KMT2D: variants seen among roughly 807,000 people sequenced by gnomAD.
The protein encoded by KMT2D is lysine methyltransferase 2D.
A neutral mutation model predicts 512.7 loss-of-function variants in KMT2D; 55 were observed. The observed-to-expected ratio is 0.11, with a 90% CI of 0.09 to 0.13. KMT2D has a LOEUF of 0.13. KMT2D is among the 10% of genes least tolerant of loss of function. The probability of loss-of-function intolerance (pLI) is 1.00; values close to 1 mark genes in which losing one functional copy is unlikely to be tolerated. For missense variants in KMT2D, 6,061 were observed against 7,127.9 expected (o/e 0.85, Z 5.39); for synonymous variants, 2,995 against 2,904.0 (o/e 1.03, Z -1.01).
chr12:49,039,683 A>C lies in KMT2D; in HGVS notation c.8046+41T>G, dbSNP rs1943392848. 6.2e-7 allele frequency: 1 copy of C among 1,604,180 alleles called. No individual in the cohort carries two copies. On this transcript the variant is annotated intron_variant, in intron 32 of 54. Transcript: ENST00000301067. The surrounding 1 kb of genome is among the most constrained non-coding windows in gnomAD (Gnocchi z 5.0). ...CCAATCATAGGGCTGCCCCAGAGAC[A>C]GGAGCGATATAGGGGGCTTAGCTCC...
chr12:49,044,026 CG>C lies in KMT2D; in HGVS notation c.5189-29del. The C allele has an allele frequency of 6.2e-7, 1 of 1,612,760 alleles. No homozygotes were observed. The highest frequency in any genetic ancestry group is 1.1e-5 in the South Asian group (1 of 91,050). Reference sequence around the variant, plus strand: ...GTGGACAGAACGGAAGTGTCAGACTCGGGTTGAGAGCATGCTGCTCCCAACT... The same window carrying C: ...GTGGACAGAACGGAAGTGTCAGACTCGGTTGAGAGCATGCTGCTCCCAACT... On this transcript the variant is annotated intron_variant, in intron 22 of 54. Transcript: ENST00000301067. The surrounding 1 kb of genome is among the most constrained non-coding windows in gnomAD (Gnocchi z 6.4).
Position 49,037,929 on chromosome 12 carries a change from G to A in KMT2D, c.9427C>T (p.Pro3143Ser), listed in dbSNP as rs1339827676. 6.2e-7 allele frequency: 1 copy of A among 1,604,636 alleles called. No homozygotes were observed. The highest frequency in any genetic ancestry group is 8.5e-7 in the Non-Finnish European group (1 of 1,175,846). The change falls in exon 35 of 55, where the codon CCC (proline) becomes TCC (serine). Residue 3143 changes from proline to serine, a missense_variant. Coordinates refer to ENST00000301067, the MANE Select transcript of KMT2D (RefSeq NM_003482.4). ...QFTIATPKVEPAPAANSLGLG... is the reference protein window; with the variant it reads ...QFTIATPKVESAPAANSLGLG... The stretch of plus-strand genomic sequence containing the variant: ...CCAAGGGAATTGGCAGCAGGTGCGG[G>A]CTCTACCTTGGGGGTAGCAATGGTG...
Position 49,044,331 on chromosome 12 carries a change from G to C in KMT2D, c.5084-27C>G, listed in dbSNP as rs398123748. Reference sequence around the variant, plus strand: ...TATGAGGAGGCAGAGTTGTGGATGAGAAGCCGCTGGGGGACCTATTGAGCT... The same window carrying C: ...TATGAGGAGGCAGAGTTGTGGATGACAAGCCGCTGGGGGACCTATTGAGCT... On this transcript the variant is annotated intron_variant, in intron 21 of 54. Coordinates refer to ENST00000301067, the MANE Select transcript of KMT2D (RefSeq NM_003482.4). This position sits in a 1 kb window ranked among gnomAD's most constrained non-coding sequence, Gnocchi z 6.4. The C allele has an allele frequency of 5.0e-6, 8 of 1,613,866 alleles. No individual in the cohort carries two copies. The East Asian group carries it at 1.8e-4, about 36-fold the overall frequency.
chr12:49,037,971 G>A lies in KMT2D; in HGVS notation c.9385C>T (p.Pro3129Ser), dbSNP rs200089754. ...KPKVEEGGRH[P>S]SPCQFTIATP... ...GCAATGGTGAATTGGCAAGGAGAAG[G>A]GTGGCGTCCACCCTCCTCCACCTTG... Residue 3129 changes from proline (P) to serine (S), a missense_variant, in exon 35 of 55, where the codon CCT becomes TCT. Coordinates refer to ENST00000301067, the MANE Select transcript of KMT2D (RefSeq NM_003482.4). The A allele has an allele frequency of 9.9e-5, 158 of 1,602,158 alleles. No homozygotes were observed. The African/African-American group carries it at 1.9e-3, about 20-fold the overall frequency.
At chr12:49,053,841 C>A in intron 6 of KMT2D, 137 bp downstream of exon 6, 1 of 1,130,618 alleles carries the variant, frequency 8.8e-7, no homozygotes, top group Non-Finnish European at 1.2e-6. Context: ...CTGGTGCTCA[C>A]AAAGTTCACA....
Position 49,030,644 on chromosome 12 carries a change from G to A in KMT2D, c.13796C>T (p.Ala4599Val), listed in dbSNP as rs577303074. The A allele has an allele frequency of 6.7e-5, 108 of 1,606,778 alleles. No individual in the cohort carries two copies. In the South Asian group the frequency reaches 8.0e-4, roughly 12 times the overall value. Residue 4599 changes from alanine to valine, a missense_variant, in exon 42 of 55, where the codon GCG (alanine) becomes GTG (valine). Coordinates refer to ENST00000301067, the MANE Select transcript of KMT2D (RefSeq NM_003482.4). ...ATAGTAGTCAGGGCCAGTGGGCAGC[G>A]CCCCACTTCCAAAGGCCCCCCTCAG... ...SQLRGAFGSG[A>V]LPTGPDYYSQ...
chr12:49,019,245 G>A lies in KMT2D; in HGVS notation c.*2535C>T, dbSNP rs1942178154. On this transcript the variant is annotated 3_prime_UTR_variant, in exon 55 of 55. Transcript: ENST00000301067. ...TAAAGTCTTCACGGGATTCACACTTGTCAGCGATTTATTTTTTAAAAAGGG... is the reference window on the plus strand; with the variant it reads ...TAAAGTCTTCACGGGATTCACACTTATCAGCGATTTATTTTTTAAAAAGGG... 1.2e-6 allele frequency: 1 copy of A among 854,964 alleles called. No individual in the cohort carries two copies. Among genetic ancestry groups the A allele is most frequent in the Non-Finnish European group, 1.5e-6 (1 of 687,634 alleles). The allele number at this position is 854,964 out of a possible 1,614,324, so 53.0% of individuals were successfully genotyped here.
Position 49,044,486 on chromosome 12 carries a change from T to A in KMT2D, c.5000A>T (p.Glu1667Val), listed in dbSNP as rs1171328239. Residue 1667 changes from glutamate (E) to valine (V), a missense_variant, in exon 21 of 55, where the codon GAG becomes GTG. Glu to Val is a moderately radical substitution (Grantham distance 121, BLOSUM62 -2). Transcript: ENST00000301067. This position sits in a 1 kb window ranked among gnomAD's most constrained non-coding sequence, Gnocchi z 6.4. Reference protein sequence around the residue: ...VEHMECEIKLEGPVSPDVEPG... With the variant: ...VEHMECEIKLVGPVSPDVEPG... ...CTCCACATCAGGGCTGACGGGGCCC[T>A]CCAGTTTAATTTCGCACTCCATGTG... 11 of 1,613,946 alleles carry A rather than the reference T, an allele frequency of 6.8e-6. No homozygotes were observed. The highest frequency in any genetic ancestry group is 8.5e-6 in the Non-Finnish European group (10 of 1,179,874).
Position 49,044,314 on chromosome 12 carries a change from G to A in KMT2D, c.5084-10C>T, listed in dbSNP as rs1258578773. The A allele has an allele frequency of 4.3e-6, 7 of 1,613,952 alleles. 1 individual carries two copies. The highest frequency in any genetic ancestry group is 2.2e-5 in the South Asian group (2 of 91,072). On this transcript the variant is annotated splice_polypyrimidine_tract_variant and intron_variant, in intron 21 of 54. Coordinates refer to ENST00000301067, the MANE Select transcript of KMT2D (RefSeq NM_003482.4). The surrounding 1 kb of genome is among the most constrained non-coding windows in gnomAD (Gnocchi z 6.4). ...ATGAAACCACCAATGCCTATGAGGA[G>A]GCAGAGTTGTGGATGAGAAGCCGCT...
In KMT2D at chr12:49,044,412, A is replaced by G. The variant is rs749841843; in HGVS notation, c.5074T>C (p.Tyr1692His). 6.2e-7 allele frequency: 1 copy of G among 1,613,710 alleles called. No homozygotes were observed. Among genetic ancestry groups the G allele is most frequent in the Non-Finnish European group, 8.5e-7 (1 of 1,179,834 alleles). ...CATCCCAGGACCTCACCAGGCCGATATGGTTTACGCTTGCGTTTTTTGCTT... is the reference window on the plus strand; with the variant it reads ...CATCCCAGGACCTCACCAGGCCGATGTGGTTTACGCTTGCGTTTTTTGCTT... The part of the protein sequence containing the change: ...EESKKRKRKP[Y>H]RPGIGGFMVR... The change falls in exon 21 of 55, where the codon TAT becomes CAT. Residue 1692 changes from tyrosine (Y) to histidine (H), a missense_variant. Physicochemically the swap from Tyr to His is moderately conservative, Grantham distance 83 (BLOSUM62 2). Transcript: ENST00000301067. The surrounding 1 kb of genome is among the most constrained non-coding windows in gnomAD (Gnocchi z 6.4).
chr12:49,029,273 T>C (rs1942765329), intron 44 of KMT2D, 37 bp from the exon 45 acceptor site: 2 of 1,603,660 alleles, frequency 1.2e-6, no homozygotes, highest in African/African-American at 2.7e-5. Flanking sequence ...GCTACAGCCC[T>C]GCAGACTCCC....
rs1228898371 is a variant in KMT2D at position 49,037,166 on chromosome 12, G to A, written c.10190C>T (p.Ala3397Val). The A allele has an allele frequency of 1.3e-6, 2 of 1,593,418 alleles. No individual in the cohort carries two copies. Among genetic ancestry groups the A allele is most frequent in the South Asian group, 1.1e-5 (1 of 89,676 alleles). The change falls in exon 35 of 55, where the codon GCA (alanine) becomes GTA (valine). Residue 3397 changes from alanine to valine, a missense_variant. This residue lies in a region of KMT2D where 533 missense variants were observed against 539.6 expected (regional missense o/e 0.99). Transcript: ENST00000301067. ...GCTGTTTGCCAGCTGCTGCTGCATTGCCAATTGCTGCGGCTTCATGCACAT... is the reference window on the plus strand; with the variant it reads ...GCTGTTTGCCAGCTGCTGCTGCATTACCAATTGCTGCGGCTTCATGCACAT... Reference protein sequence around the residue: ...PSMCMKPQQLAMQQQLANSFF... With the variant: ...PSMCMKPQQLVMQQQLANSFF...
chr12:49,035,457 GA>G (rs1291194026), intron 35 of KMT2D: 1 of 152,392 alleles, frequency 6.6e-6, no homozygotes, highest in Non-Finnish European at 1.5e-5. Context: ...CAAAAAAGAA[GA>G]AACAACCAAC....
chr12:49,033,701 A>G lies in KMT2D; in HGVS notation c.11004T>C (p.Pro3668=). 6.2e-7 allele frequency: 1 copy of G among 1,613,668 alleles called. No homozygotes were observed. Among genetic ancestry groups the G allele is most frequent in the Non-Finnish European group, 8.5e-7 (1 of 1,179,860 alleles). ...GAGCTGTATTAAGGAAGGGGCCACC[A>G]GGCTGTCCAGGTAGTGCCATACCCC... ...TPGGMALPGQ[P]GGPFLNTALA... Residue 3668 remains proline, a synonymous_variant, in exon 40 of 55, where the codon CCT becomes CCC. Transcript: ENST00000301067.
Position 49,022,031 on chromosome 12 carries a change from A to G in KMT2D, c.16521+12T>C, listed in dbSNP as rs761734531. ...AGCTGCTTTGTCACTCAGTCAGGAT[A>G]CTTCCTCTCACCTCCTCTCCTTTGG... is the stretch of plus-strand genomic sequence containing the variant. On this transcript the variant is annotated intron_variant, in intron 54 of 54. Transcript: ENST00000301067. This position sits in a 1 kb window ranked among gnomAD's most constrained non-coding sequence, Gnocchi z 8.6. 39 of 1,607,964 alleles carry G rather than the reference A, an allele frequency of 2.4e-5. No individual in the cohort carries two copies. Among genetic ancestry groups the G allele is most frequent in the Non-Finnish European group, 3.1e-5 (36 of 1,174,600 alleles).
rs1298733721 is a variant in KMT2D at position 49,051,837 on chromosome 12, G to A, written c.1846C>T (p.Pro616Ser). 11 of 1,612,964 alleles carry A rather than the reference G, an allele frequency of 6.8e-6. No homozygotes were observed. In the African/African-American group the frequency reaches 9.4e-5, roughly 14 times the overall value. ...GATGCCTCAGGTGGTGGGGAAAGGG[G>A]AGACTCCTCAGGTGGAGGGGACAGA... ...SPLSPPPEES[P>S]LSPPPEASRL... The change falls in exon 11 of 55, where the codon CCC becomes TCC. Residue 616 changes from proline (P) to serine (S), a missense_variant. Physicochemically the swap from Pro to Ser is moderately conservative, Grantham distance 74 (BLOSUM62 -1). This residue lies in a region of KMT2D where 848 missense variants were observed against 838.5 expected (regional missense o/e 1.01). Coordinates refer to ENST00000301067, the MANE Select transcript of KMT2D (RefSeq NM_003482.4).
At chr12:49,047,711 T>C (rs1937640677) in intron 15 of KMT2D, among the ~76,000 whole-genome samples, 1 of 152,176 alleles carries the variant, frequency 6.6e-6, no homozygotes, top group Non-Finnish European at 1.5e-5. Context: ...GGAGCCACCA[T>C]GCCCAGCCAT....
intron 51 of KMT2D, among the ~76,000 whole-genome samples, chr12:49,023,172 T>C (rs1372070515): frequency 6.6e-6 from 1 of 152,096 alleles, no homozygotes; most frequent in Non-Finnish European, 1.5e-5. Flanking sequence ...GAGCCTGTTC[T>C]CCCATCTCCC....
At position 49,051,166 on chromosome 12, in the gene KMT2D, C is replaced by G. The variant is rs1418714844; in HGVS notation, c.2517G>C (p.Glu839Asp). 2 of 1,512,386 alleles carry G rather than the reference C, an allele frequency of 1.3e-6. No homozygotes were observed. The highest frequency in any genetic ancestry group is 8.9e-7 in the Non-Finnish European group (1 of 1,127,474). The allele number at this position is 1,512,386 out of a possible 1,614,324, so 93.7% of individuals were successfully genotyped here. ...CCTCAGGCCGGGGGGACAGGCATGGCTCCTCAGACTGGGGGGACAGGTGTG... is the reference window on the plus strand; with the variant it reads ...CCTCAGGCCGGGGGGACAGGCATGGGTCCTCAGACTGGGGGGACAGGTGTG... ...EESHLSPQSE[E>D]PCLSPRPEES... Residue 839 changes from glutamate to aspartate, a missense_variant, in exon 11 of 55, where the codon GAG becomes GAC. Physicochemically the swap from Glu to Asp is conservative, Grantham distance 45. Transcript: ENST00000301067.
Sources: allele counts gnomAD v4.1 joint callset (sites outside exome capture counted in the v4.1 genomes callset), GRCh38; gene constraint gnomAD v4.1.1; regional missense constraint gnomAD v4.1.1; non-coding constraint Gnocchi (gnomAD v3.1); transcripts MANE v1.5; gene names NCBI Gene and HGNC (gene_info 2026-07-23, HGNC 2026-07-21).